SMARCA2: variants seen among roughly 807,000 people sequenced by gnomAD.
SMARCA2 encodes the protein SWI/SNF related BAF chromatin remodeling complex subunit ATPase 2, also known as SWI/SNF-related matrix-associated actin-dependent regulator of chromatin subfamily A member 2.
A neutral mutation model predicts 199.8 loss-of-function variants in SMARCA2; 61 were observed. That is an observed-to-expected ratio of 0.31 (90% CI 0.25 to 0.38). SMARCA2 has a LOEUF of 0.38. Among genes scored for constraint, SMARCA2 ranks in the 10% least tolerant of loss-of-function variants. The pLI is 1.00. For missense variants in SMARCA2, 1,344 were observed against 2,012.2 expected (o/e 0.67, Z 6.35); for synonymous variants, 935 against 732.0 (o/e 1.28, Z -4.48).
chr9:2,127,019 C>T (rs1823725920), intron 27 of SMARCA2, among the ~76,000 whole-genome samples: 1 of 152,192 alleles, frequency 6.6e-6, no homozygotes, highest in Non-Finnish European at 1.5e-5. Flanking sequence ...TGTTTGCAAA[C>T]TCATGTTCAG....
rs1259452144 is a variant in SMARCA2, at chr9:2,161,274, G to GT, written c.3982-406dup. Among the ~76,000 whole-genome samples the GT allele has an allele frequency of 6.6e-6, 1 of 152,142 alleles. No individual in the cohort carries two copies. The highest frequency in any genetic ancestry group is 1.5e-5 in the Non-Finnish European group (1 of 68,008). The stretch of plus-strand genomic sequence containing the variant: ...TCGTGTGGATGTATTCTTAGGGATT[G>GT]TTTTTTCATAACCCACCCCTCGTTT... On this transcript the variant is annotated intron_variant, in intron 27 of 33. Transcript: ENST00000349721. This position sits in a 1 kb window ranked among gnomAD's most constrained non-coding sequence, Gnocchi z 4.7.
intron 23 of SMARCA2, among the ~76,000 whole-genome samples, chr9:2,108,529 T>TCA (rs1467978777): frequency 9.9e-5 from 15 of 152,186 alleles, no homozygotes; most frequent in Admixed American, 9.8e-4. Context: ...AGATGTATAG[T>TCA]TTTGTACCCA....
intron 2 of SMARCA2, among the ~76,000 whole-genome samples, chr9:2,031,703 A>AT (rs1017164105): frequency 1.3e-5 from 2 of 151,860 alleles, no homozygotes; most frequent in African/African-American, 4.8e-5. Flanking sequence ...TGAGTTTTGC[A>AT]TTTTTTGCCA....
chr9:2,167,974 T>C (rs967172916), intron 28 of SMARCA2, among the ~76,000 whole-genome samples: 1 of 152,052 alleles, frequency 6.6e-6, no homozygotes, highest in South Asian at 2.1e-4. Flanking sequence ...CTGGTACTTA[T>C]AATCAATTCA....
At chr9:2,177,992 A>G (rs887721085) in intron 29 of SMARCA2, among the ~76,000 whole-genome samples, 1 of 151,734 alleles carries the variant, frequency 6.6e-6, no homozygotes, top group Non-Finnish European at 1.5e-5. Context: ...ATGTGGAATT[A>G]TACTTTTGGT....
chr9:2,177,521 C>T (rs1434968559), intron 29 of SMARCA2, among the ~76,000 whole-genome samples: 1 of 151,998 alleles, frequency 6.6e-6, no homozygotes, highest in African/African-American at 2.4e-5. Flanking sequence ...AAAAAAAAAT[C>T]ATTAAAAGAC....
chr9:2,114,115 G>T (rs1823121074), intron 24 of SMARCA2, among the ~76,000 whole-genome samples: 1 of 152,170 alleles, frequency 6.6e-6, no homozygotes, highest in Non-Finnish European at 1.5e-5. Flanking sequence ...CTGTTAGCAG[G>T]TCTGGTGAAG....
At chr9:2,048,034 G>C (rs1382320123) in intron 5 of SMARCA2, 1 of 152,114 alleles carries the variant, frequency 6.6e-6, no homozygotes, top group Non-Finnish European at 1.5e-5. Flanking sequence ...TTCCTGTAAA[G>C]AGCCAGATAG....
intron 19 of SMARCA2, among the ~76,000 whole-genome samples, chr9:2,089,913 C>G (rs11999383): frequency 0.14 from 21,619 of 151,698 alleles, 1,862 homozygotes; most frequent in African/African-American, 0.24. Context: ...TTTTTCTTTA[C>G]AAGAGGTATA....
At chr9:2,168,143 C>T (rs1054346376) in intron 28 of SMARCA2, among the ~76,000 whole-genome samples, 1 of 151,252 alleles carries the variant, frequency 6.6e-6, no homozygotes, top group Non-Finnish European at 1.5e-5. Context: ...TCCAGAGTTG[C>T]TGGGATTATG....
chr9:2,182,134 C>G lies in SMARCA2; in HGVS notation c.4360-7C>G. On this transcript the variant is annotated splice_region_variant and splice_polypyrimidine_tract_variant and intron_variant, in intron 30 of 33. Transcript: ENST00000349721. Reference sequence around the variant, plus strand: ...TTTTTCTCCATTTTCTCCAAAATTTCCATCAGGAAAGGATTCGTAATCATA... The same window carrying G: ...TTTTTCTCCATTTTCTCCAAAATTTGCATCAGGAAAGGATTCGTAATCATA... 6.4e-7 allele frequency: 1 copy of G among 1,571,308 alleles called. No individual in the cohort carries two copies. The highest frequency in any genetic ancestry group is 8.8e-7 in the Non-Finnish European group (1 of 1,142,760).
chr9:2,124,027 G>C lies in SMARCA2; in HGVS notation c.3981+90G>C. 4.8e-6 allele frequency: 5 copies of C among 1,036,620 alleles called. No homozygotes were observed. In the South Asian group the frequency reaches 6.9e-5, roughly 14 times the overall value. 64.2% of individuals were successfully genotyped at this position (1,036,620 alleles called of 1,614,324 possible). A position where few individuals can be genotyped will look rare whatever the true frequency, so the allele number is the denominator to read the frequency against. ...GGGGCCTAGAGCTGGGATTTTCTGA[G>C]GAGGTTGAGTTCGCAATCAAAGGGA... On this transcript the variant is annotated intron_variant, in intron 27 of 33. Coordinates refer to ENST00000349721, the MANE Select transcript of SMARCA2 (RefSeq NM_003070.5).
chr9:2,117,720 G>A (rs1027487623), intron 25 of SMARCA2, among the ~76,000 whole-genome samples: 8 of 152,192 alleles, frequency 5.3e-5, no homozygotes, highest in South Asian at 4.1e-4. Context: ...CCCTGGGCCC[G>A]AGGGCTGCCA....
chr9:2,058,125 C>G, intron 7 of SMARCA2, 166 bp from the exon 8 acceptor site: 1 of 638,376 alleles, frequency 1.6e-6, no homozygotes, highest in South Asian at 1.9e-5. Context: ...GCCCCATGGC[C>G]CACACCTTAA....
At chr9:2,068,411 A>G (rs1314628697) in intron 9 of SMARCA2, among the ~76,000 whole-genome samples, 4 of 152,326 alleles carry the variant, frequency 2.6e-5, no homozygotes, top group Non-Finnish European at 4.4e-5. Flanking sequence ...GCATACATAC[A>G]TACATGTATT....
intron 1 of SMARCA2, among the ~76,000 whole-genome samples, chr9:2,025,763 G>A (rs1818803048): frequency 6.6e-6 from 1 of 152,132 alleles, no homozygotes; most frequent in Non-Finnish European, 1.5e-5. Flanking sequence ...CATACTGTGG[G>A]AAAGTTTAAT....
intron 27 of SMARCA2, among the ~76,000 whole-genome samples, chr9:2,156,946 C>T (rs1212715939): frequency 2.0e-5 from 3 of 151,992 alleles, no homozygotes. Flanking sequence ...TGCTTTTTTG[C>T]GTCTAGATTA....
intron 1 of SMARCA2, among the ~76,000 whole-genome samples, chr9:2,019,670 C>T (rs1011123407): frequency 3.9e-5 from 6 of 152,126 alleles, no homozygotes; most frequent in Admixed American, 1.3e-4. Flanking sequence ...AGTATAAAAG[C>T]ATATCACATC....
At chr9:2,131,161 A>G (rs1823930411) in intron 27 of SMARCA2, among the ~76,000 whole-genome samples, 1 of 152,228 alleles carries the variant, frequency 6.6e-6, no homozygotes, top group African/African-American at 2.4e-5. Context: ...AATGCATTCT[A>G]GCTTATGTGC....
Sources: gnomAD v4.1 joint callset for allele counts (sites outside exome capture counted in the v4.1 genomes callset) on GRCh38, gnomAD v4.1.1 for gene constraint, Gnocchi (gnomAD v3.1) non-coding constraint, MANE v1.5 for transcripts, NCBI Gene and HGNC (gene_info 2026-07-23, HGNC 2026-07-21) for gene names.